The following EIF5A variants were observed in gnomAD, a reference collection of about 807,000 sequenced individuals.
EIF5A encodes the protein eukaryotic translation initiation factor 5A-1.
EIF5A carries 1 observed loss-of-function variant against 16.6 expected under a neutral mutation model. The ratio of observed to expected loss-of-function variants is 0.06; its 90% CI spans 0.02 to 0.28. The LOEUF is 0.28. EIF5A is among the 10% of genes least tolerant of loss of function. The pLI is 1.00. For synonymous variants in EIF5A, 80 were observed against 73.6 expected, an observed-to-expected ratio of 1.09 and a Z score of -0.44; for missense variants, 29 against 196.1, an observed-to-expected ratio of 0.15 and a Z score of 5.09.
intron 2 of EIF5A, chr17:7,310,348 A>G (rs1300475564): frequency 8.1e-7 from 1 of 1,231,560 alleles, no homozygotes; most frequent in Non-Finnish European, 1.0e-6. Context: ...TTGAGCCTCC[A>G]TGCTTTCATG....
chr17:7,308,854 A>AC (rs1173667027), intron 1 of EIF5A, among the ~76,000 whole-genome samples: 1 of 150,398 alleles, frequency 6.6e-6, no homozygotes, highest in Non-Finnish European at 1.5e-5. Context: ...GTCATTCACC[A>AC]CCCCCCACCT....
At chr17:7,307,495 T>G (rs1597612633), upstream of EIF5A, 10 of 955,898 alleles carry the variant, frequency 1.0e-5, no homozygotes, top group Admixed American at 2.0e-4. Context: ...GACGGGTCGG[T>G]GGGAGGGAGG....
chr17:7,308,959 G>A (rs1003031549), intron 1 of EIF5A, among the ~76,000 whole-genome samples: 2 of 152,230 alleles, frequency 1.3e-5, no homozygotes, highest in South Asian at 4.1e-4. Flanking sequence ...GGAGAGGCTG[G>A]GTTCCTGGGT....
chr17:7,311,568 G>A lies in EIF5A; in HGVS notation c.403-10G>A. 2.5e-6 allele frequency: 4 copies of A among 1,614,164 alleles called. No homozygotes were observed. Among genetic ancestry groups the A allele is most frequent in the Non-Finnish European group, 3.4e-6 (4 of 1,180,046 alleles). On this transcript the variant is annotated splice_polypyrimidine_tract_variant and intron_variant, in intron 4 of 5. Coordinates refer to ENST00000336458, the MANE Select transcript of EIF5A (RefSeq NM_001970.5). ...CAGACATCTCTTGGCTATCCCTCTTGCTTCTCCAGATCACGGTGCTGTCTG... is the reference window on the plus strand; with the variant it reads ...CAGACATCTCTTGGCTATCCCTCTTACTTCTCCAGATCACGGTGCTGTCTG...
intron 2 of EIF5A, 168 bp from the exon 3 acceptor site, chr17:7,310,850 C>T: frequency 4.1e-6 from 4 of 985,218 alleles, no homozygotes; most frequent in Non-Finnish European, 4.8e-6. Flanking sequence ...TGTTTTTTTT[C>T]TTTAAGAGGC....
At chr17:7,307,925 G>T in intron 1 of EIF5A, 173 bp downstream of exon 1, 1 of 984,466 alleles carries the variant, frequency 1.0e-6, no homozygotes, top group Non-Finnish European at 1.2e-6. Flanking sequence ...CGGTTGGCGC[G>T]CGGGGTGACG....
chr17:7,311,744 C>T (rs977892636), intron 5 of EIF5A, 78 bp from the exon 6 acceptor site: 118 of 1,509,774 alleles, frequency 7.8e-5, no homozygotes, highest in Non-Finnish European at 1.0e-4. Context: ...TACTTTCTGC[C>T]CCTAGCCTGG....
In EIF5A at chr17:7,311,848, T is replaced by C; in HGVS notation, c.*38T>C. On this transcript the variant is annotated 3_prime_UTR_variant, in exon 6 of 6. Transcript: ENST00000336458. ...GTGGCGGTGGTGGCAGCAGTGATCCTCTGAACCTGCAGAGGCCCCCTCCCC... is the reference window on the plus strand; with the variant it reads ...GTGGCGGTGGTGGCAGCAGTGATCCCCTGAACCTGCAGAGGCCCCCTCCCC... 3.9e-6 allele frequency: 3 copies of C among 766,140 alleles called. No homozygotes were observed. Among genetic ancestry groups the C allele is most frequent in the Non-Finnish European group, 6.4e-6 (3 of 468,114 alleles). The allele number at this position is 766,140 out of a possible 1,614,324, so 47.5% of individuals were successfully genotyped here. A position where few individuals can be genotyped will look rare whatever the true frequency, so the allele number is the denominator to read the frequency against.
chr17:7,307,594 C>G, upstream of EIF5A: 2 of 1,016,526 alleles, frequency 2.0e-6, no homozygotes, highest in Non-Finnish European at 2.4e-6. Context: ...TGTCATAGGG[C>G]TGCTTGGTTG....
chr17:7,308,182 G>A, intron 1 of EIF5A: 1 of 958,598 alleles, frequency 1.0e-6, no homozygotes, highest in Non-Finnish European at 1.3e-6. Flanking sequence ...GGGGAGGGGA[G>A]GCGGCGTGGC....
chr17:7,308,129 A>C (rs1226951377), intron 1 of EIF5A: 16 of 503,002 alleles, frequency 3.2e-5, no homozygotes, highest in Non-Finnish European at 3.9e-5. Context: ...GGAGGGGGCT[A>C]TTCGGTGAGA....
At chr17:7,310,536 T>G in intron 2 of EIF5A, 1 of 1,126,398 alleles carries the variant, frequency 8.9e-7, no homozygotes, top group South Asian at 2.0e-5. Flanking sequence ...TCCCTCTCTG[T>G]GCTCTTCTGG....
rs2072831578 is a variant in EIF5A at position 7,311,659 on chromosome 17, T to A, written c.*11+8T>A. 2 of 1,614,050 alleles carry A rather than the reference T, an allele frequency of 1.2e-6. No homozygotes were observed. The highest frequency in any genetic ancestry group is 1.7e-6 in the Non-Finnish European group (2 of 1,180,016). ...AAAATAACTGGCTCCCAGGTGAGTG[T>A]GACAAATCCCTCACTGTCCCCTTCA... On this transcript the variant is annotated splice_region_variant and intron_variant, in intron 5 of 5. Coordinates refer to ENST00000336458, the MANE Select transcript of EIF5A (RefSeq NM_001970.5).
upstream of EIF5A, chr17:7,307,211 A>G: frequency 1.4e-5 from 19 of 1,379,774 alleles, no homozygotes; most frequent in South Asian, 2.7e-4. Context: ...TGGTCTTTTC[A>G]ACGCCTGGCG....
chr17:7,311,784 GTAT>G, intron 5 of EIF5A, 35 bp from the exon 6 acceptor site: 1 of 1,195,882 alleles, frequency 8.4e-7, no homozygotes, highest in Admixed American at 2.1e-5. Flanking sequence ...CCTGTTGAAG[GTAT>G]TATCCTGTCT....
chr17:7,307,780 G>C lies in EIF5A; in HGVS notation c.-22+28G>C, dbSNP rs867746663. On this transcript the variant is annotated intron_variant, in intron 1 of 5. Coordinates refer to ENST00000336458, the MANE Select transcript of EIF5A (RefSeq NM_001970.5). ...GAGAGCGGGCAGGGCGCGTGTGCGC[G>C]GTACCTTGGCTTGGGCCCGGGAGAA... is the stretch of plus-strand genomic sequence containing the variant. The C allele has an allele frequency of 1.1e-3, 1,051 of 997,068 alleles. 5 individuals carry two copies. The highest frequency in any genetic ancestry group is 6.6e-3 in the Middle Eastern group (13 of 1,958). The allele number at this position is 997,068 out of a possible 1,614,324, so 61.8% of individuals were successfully genotyped here. A position where few individuals can be genotyped will look rare whatever the true frequency, so the allele number is the denominator to read the frequency against.
intron 1 of EIF5A, chr17:7,308,466 C>T (rs1353728862): frequency 3.7e-6 from 5 of 1,345,444 alleles, no homozygotes; most frequent in Non-Finnish European, 4.9e-6. Flanking sequence ...GGCTCGGGTC[C>T]TAATCACCCC....
rs60872664 is a variant in EIF5A, at chr17:7,309,182, TC to T, written c.-21-423del. ...GGGCCTTGTCCTCCGGTCTCCACCC[TC>T]CCCCCCCCCAATTAGCCCTGCCCTT... On this transcript the variant is annotated intron_variant, in intron 1 of 5. Coordinates refer to ENST00000336458, the MANE Select transcript of EIF5A (RefSeq NM_001970.5). Among the ~76,000 whole-genome samples the T allele has an allele frequency of 2.9e-3, 390 of 133,502 alleles. 1 individual carries two copies. Among genetic ancestry groups the T allele is most frequent in the African/African-American group, 6.7e-3 (246 of 36,536 alleles). The allele number at this position is 133,502 out of a possible 152,430, so 87.6% of individuals were successfully genotyped here.
In EIF5A at chr17:7,309,548, A is replaced by G. The variant is rs1360927981; in HGVS notation, c.-21-67A>G. On this transcript the variant is annotated intron_variant, in intron 1 of 5. Coordinates refer to ENST00000336458, the MANE Select transcript of EIF5A (RefSeq NM_001970.5). ...AGTTGGGAAAATGTTTCTGGAGAGAAATGGGATAGATTGGAGGTCCTGTTG... is the reference window on the plus strand; with the variant it reads ...AGTTGGGAAAATGTTTCTGGAGAGAGATGGGATAGATTGGAGGTCCTGTTG... 3 of 1,588,922 alleles carry G rather than the reference A, an allele frequency of 1.9e-6. No individual in the cohort carries two copies. In the East Asian group the frequency reaches 6.7e-5, roughly 36 times the overall value.
Sources: gnomAD v4.1 joint callset for allele counts (sites outside exome capture counted in the v4.1 genomes callset) on GRCh38, gnomAD v4.1.1 for gene constraint, MANE v1.5 for transcripts, NCBI Gene and HGNC (gene_info 2026-07-23, HGNC 2026-07-21) for gene names.